Variants in AMBRA1 observed in about 807,000 individuals in gnomAD.
AMBRA1 encodes autophagy and beclin 1 regulator 1.
In AMBRA1, 47 loss-of-function variants were observed where a neutral mutation model predicts 125.4. The ratio of observed to expected loss-of-function variants is 0.37; its 90% CI spans 0.30 to 0.48. The LOEUF is 0.48. Ranked by LOEUF, AMBRA1 falls within the 20% of genes least tolerant of loss-of-function variation. The pLI is 0.99. For synonymous variants in AMBRA1, 626 were observed against 655.5 expected (o/e 0.95, Z 0.69); for missense variants, 1,331 against 1,693.4 (o/e 0.79, Z 3.76).
chr11:46,505,506 A>C (rs935585844), intron 9 of AMBRA1, among the ~76,000 whole-genome samples: 3 of 152,206 alleles, frequency 2.0e-5, no homozygotes, highest in African/African-American at 7.2e-5. Flanking sequence ...ACATCAGCCC[A>C]AAAAGAAAGG....
chr11:46,454,174 G>A (rs933570086), intron 11 of AMBRA1, among the ~76,000 whole-genome samples: 2 of 152,128 alleles, frequency 1.3e-5, no homozygotes, highest in African/African-American at 4.8e-5. Flanking sequence ...GAAAGGAAAA[G>A]AAATAGCTAT....
At chr11:46,434,424 T>C (rs1384549742) in intron 13 of AMBRA1, among the ~76,000 whole-genome samples, 3 of 117,058 alleles carry the variant, frequency 2.6e-5, no homozygotes, top group Non-Finnish European at 4.9e-5. Flanking sequence ...AACAAAAAAG[T>C]CTCAAGGCAA....
intron 11 of AMBRA1, among the ~76,000 whole-genome samples, chr11:46,448,442 A>T (rs567405282): frequency 1.3e-3 from 195 of 152,364 alleles, no homozygotes; most frequent in African/African-American, 4.1e-3. Flanking sequence ...ACTTCTCAAA[A>T]TTCGTGAAAT....
In AMBRA1 at chr11:46,441,331, T is replaced by C. The variant is rs776073585; in HGVS notation, c.2632+2157A>G. On this transcript the variant is annotated intron_variant, in intron 12 of 17. Transcript: ENST00000683756. ...GAGTTCGAGACCAGCCTGGCCAATATGGCAAAACCCCGTCTCTGCTAAAAA... is the reference window on the plus strand; with the variant it reads ...GAGTTCGAGACCAGCCTGGCCAATACGGCAAAACCCCGTCTCTGCTAAAAA... Among the ~76,000 whole-genome samples the C allele has an allele frequency of 1.4e-4, 21 of 152,088 alleles. 1 individual carries two copies. Among genetic ancestry groups the C allele is most frequent in the Non-Finnish European group, 2.4e-4 (16 of 68,032 alleles).
intron 14 of AMBRA1, among the ~76,000 whole-genome samples, chr11:46,425,310 T>TTGTGTG (rs34321655): frequency 0.042 from 5,641 of 135,476 alleles, 129 homozygotes; most frequent in African/African-American, 0.081. Flanking sequence ...CTTGATCCAT[T>TTGTGTG]TGTGTGTGTG....
intron 1 of AMBRA1, among the ~76,000 whole-genome samples, chr11:46,584,950 T>A (rs2044313177): frequency 6.6e-6 from 1 of 152,044 alleles, no homozygotes; most frequent in East Asian, 1.9e-4. Context: ...TGGGTGCTTA[T>A]AAACCCAGCT....
At chr11:46,398,993 C>T (rs1037682975) in intron 17 of AMBRA1, among the ~76,000 whole-genome samples, 34 of 152,042 alleles carry the variant, frequency 2.2e-4, no homozygotes, top group African/African-American at 6.8e-4. Flanking sequence ...AGGCTGGTTT[C>T]GAGCTCCTGA....
chr11:46,464,931 G>A (rs931611001), intron 11 of AMBRA1, among the ~76,000 whole-genome samples: 24 of 152,156 alleles, frequency 1.6e-4, no homozygotes, highest in African/African-American at 5.8e-4. Flanking sequence ...TGTAATCCCA[G>A]CTACTCAGGA....
rs188778515 is a variant in AMBRA1 at position 46,576,941 on chromosome 11, C to T, written c.-121+16887G>A. Among the ~76,000 whole-genome samples the T allele has an allele frequency of 1.2e-3, 190 of 152,230 alleles. 1 individual carries two copies. Among genetic ancestry groups the T allele is most frequent in the Non-Finnish European group, 7.8e-4 (53 of 68,010 alleles). ...ATCAGTAAAATGCAAATAATAAAAC[C>T]AGTATGTTAGAACTCAGTTCTTCAT... On this transcript the variant is annotated intron_variant, in intron 1 of 17. Transcript: ENST00000683756.
chr11:46,488,020 A>G (rs931094240), intron 11 of AMBRA1, among the ~76,000 whole-genome samples: 1 of 152,244 alleles, frequency 6.6e-6, no homozygotes, highest in African/African-American at 2.4e-5. Context: ...CTATATTAAT[A>G]TAAGAAAAAA....
At chr11:46,433,376 C>A in intron 14 of AMBRA1, 98 bp downstream of exon 14, 1 of 1,440,672 alleles carries the variant, frequency 6.9e-7, no homozygotes. Context: ...TGTGTGATAG[C>A]TCTGGTCCTG....
At chr11:46,468,139 AG>A (rs920509984) in intron 11 of AMBRA1, among the ~76,000 whole-genome samples, 11 of 152,188 alleles carry the variant, frequency 7.2e-5, no homozygotes, top group African/African-American at 2.4e-4. Flanking sequence ...GCCAAACAAC[AG>A]CTGCCTTCTT....
intron 11 of AMBRA1, among the ~76,000 whole-genome samples, chr11:46,445,049 A>T (rs1948210442): frequency 6.6e-6 from 1 of 151,582 alleles, no homozygotes; most frequent in Non-Finnish European, 1.5e-5. Context: ...AAATTGGTTC[A>T]AAGGGGCAAA....
intron 7 of AMBRA1, among the ~76,000 whole-genome samples, chr11:46,520,286 T>C (rs938711439): frequency 3.3e-5 from 5 of 152,158 alleles, no homozygotes; most frequent in African/African-American, 1.2e-4. Context: ...ATCAGGATGA[T>C]AGCCTCATTA....
intron 8 of AMBRA1, among the ~76,000 whole-genome samples, chr11:46,508,610 T>G (rs1951149494): frequency 6.6e-6 from 1 of 152,238 alleles, no homozygotes; most frequent in South Asian, 2.1e-4. Context: ...AGACATCTTC[T>G]GAGGAAAAGC....
At chr11:46,585,222 G>A (rs143278456) in intron 1 of AMBRA1, among the ~76,000 whole-genome samples, 4,553 of 152,108 alleles carry the variant, frequency 0.03, 231 homozygotes, top group African/African-American at 0.1. Flanking sequence ...GCGGAAGGCC[G>A]CAGGGTCCTC....
Position 46,412,861 on chromosome 11 carries a change from T to C in AMBRA1, c.3117-2493A>G, listed in dbSNP as rs368397049. Among the ~76,000 whole-genome samples the C allele has an allele frequency of 6.6e-4, 101 of 152,306 alleles. 1 individual carries two copies. Among genetic ancestry groups the C allele is most frequent in the Admixed American group, 5.1e-3 (78 of 15,308 alleles). Reference sequence around the variant, plus strand: ...TCCAAAAACAAACTCATCTCTGTTTTTGGTGAGCAAATCCTGTCTGTGTTA... The same window carrying C: ...TCCAAAAACAAACTCATCTCTGTTTCTGGTGAGCAAATCCTGTCTGTGTTA... On this transcript the variant is annotated intron_variant, in intron 15 of 17. Transcript: ENST00000683756.
chr11:46,550,827 C>T (rs1377343202), intron 1 of AMBRA1, among the ~76,000 whole-genome samples: 1 of 151,724 alleles, frequency 6.6e-6, no homozygotes, highest in Non-Finnish European at 1.5e-5. Context: ...TGGCTCACGC[C>T]TGTAATCCCA....
rs1019887244 is a variant in AMBRA1, at chr11:46,443,587, C to G, written c.2533G>C (p.Gly845Arg). 2 of 1,613,642 alleles carry G rather than the reference C, an allele frequency of 1.2e-6. No individual in the cohort carries two copies. The highest frequency in any genetic ancestry group is 1.3e-5 in the African/African-American group (1 of 74,914). Residue 845 changes from glycine (G) to arginine (R), a missense_variant, in exon 12 of 18, where the codon GGT becomes CGT. Gly to Arg is a moderately radical substitution (Grantham distance 125). This residue lies in a region of AMBRA1 where 354 missense variants were observed against 532.7 expected (regional missense o/e 0.66). Transcript: ENST00000683756. ...CTGGCCACAGCAGACTGTCCATCAC[C>G]GATCACTGCCCCTTATGAGGAAGAA... Reference protein sequence around the residue: ...VNRVLAGAVIGDGQSAVASNI... With the variant: ...VNRVLAGAVIRDGQSAVASNI...
Sources: allele counts gnomAD v4.1 joint callset (sites outside exome capture counted in the v4.1 genomes callset), GRCh38; gene constraint gnomAD v4.1.1; regional missense constraint gnomAD v4.1.1; transcripts MANE v1.5; gene names NCBI Gene and HGNC (gene_info 2026-07-23, HGNC 2026-07-21).